DDX31: variants seen among roughly 807,000 people sequenced by gnomAD.
DDX31 encodes the protein DEAD-box helicase 31, also known as ATP-dependent DNA helicase DDX31.
Under a neutral mutation model 91.3 loss-of-function variants are expected in DDX31, and 70 were observed. The ratio of observed to expected loss-of-function variants is 0.77; its 90% confidence interval spans 0.63 to 0.94. The LOEUF (loss-of-function observed/expected upper bound fraction) is 0.94, where lower values mean the gene tolerates loss of function less well. DDX31 is among the 40% of genes least tolerant of loss of function. The pLI, the probability that DDX31 is intolerant of heterozygous loss-of-function variation, is 0.00. For missense variants in DDX31, 902 were observed against 925.0 expected, an observed-to-expected ratio of 0.98 and a Z score of 0.32; for synonymous variants, 362 against 350.6, an observed-to-expected ratio of 1.03 and a Z score of -0.36.
Position 132,648,463 on chromosome 9 carries a change from G to C in DDX31, c.829C>G (p.Leu277Val). 6.2e-7 allele frequency: 1 copy of C among 1,614,044 alleles called. No homozygotes were observed. The highest frequency in any genetic ancestry group is 8.5e-7 in the Non-Finnish European group (1 of 1,180,014). ...GCTTCATCAAACACCAACCACCGCA[G>C]CCGACTAAAATGAATGTTCTTTGTG... The part of the protein sequence containing the change: ...KSTKNIHFSR[L>V]RWLVFDEADR... Residue 277 changes from leucine to valine, a missense_variant, in exon 10 of 20, where the codon CTG (leucine) becomes GTG (valine). Transcript: ENST00000372159.
intron 15 of DDX31, among the ~76,000 whole-genome samples, chr9:132,630,969 G>A (rs369058754): frequency 2.0e-5 from 3 of 152,208 alleles, no homozygotes; most frequent in South Asian, 2.1e-4. Flanking sequence ...TCAGAATGAC[G>A]GCCATTCTAC....
intron 17 of DDX31, among the ~76,000 whole-genome samples, chr9:132,622,956 C>T (rs1212228412): frequency 6.6e-6 from 1 of 151,976 alleles, no homozygotes; most frequent in African/African-American, 2.4e-5. Flanking sequence ...GATGGTGAAA[C>T]CCCGTCTCTA....
intron 19 of DDX31, among the ~76,000 whole-genome samples, chr9:132,611,149 G>C (rs1248978699): frequency 6.6e-6 from 1 of 152,212 alleles, no homozygotes; most frequent in Admixed American, 6.5e-5. Context: ...CAGAGTCAGT[G>C]GGGGAGCCTG....
rs571023623 is a variant in DDX31 at position 132,640,055 on chromosome 9, T to G, written c.1440+1949A>C. Among the ~76,000 whole-genome samples, 6 of 152,358 alleles carry G rather than the reference T, an allele frequency of 3.9e-5. No homozygotes were observed. The South Asian group carries it at 1.2e-3, about 32-fold the overall frequency. ...TTGATCTACAAAACCAAGCGCCTAC[T>G]GCATGCCTGCTCTGTGCTAGACACT... On this transcript the variant is annotated intron_variant, in intron 14 of 19. Coordinates refer to ENST00000372159, the MANE Select transcript of DDX31 (RefSeq NM_022779.9).
intron 6 of DDX31, among the ~76,000 whole-genome samples, chr9:132,654,708 G>A (rs1159506537): frequency 6.6e-6 from 1 of 152,152 alleles, no homozygotes; most frequent in Non-Finnish European, 1.5e-5. Flanking sequence ...CACTATGGGA[G>A]GCCAAGGCGG....
intron 5 of DDX31, 79 bp downstream of exon 5, chr9:132,659,631 C>G: frequency 6.9e-7 from 1 of 1,449,954 alleles, no homozygotes; most frequent in Non-Finnish European, 9.5e-7. Context: ...ACCACCAACC[C>G]AGACACCGCA....
At chr9:132,655,704 G>A (rs541894999) in intron 6 of DDX31, among the ~76,000 whole-genome samples, 58 of 152,238 alleles carry the variant, frequency 3.8e-4, no homozygotes, top group East Asian at 7.7e-4. Flanking sequence ...AAAGTAATCC[G>A]AAAAAGGCCC....
intron 6 of DDX31, among the ~76,000 whole-genome samples, chr9:132,657,195 T>A (rs143370069): frequency 6.6e-6 from 1 of 152,240 alleles, no homozygotes; most frequent in South Asian, 2.1e-4. Flanking sequence ...CTTGGTTCCA[T>A]CTCTGGATGA....
intron 1 of DDX31, among the ~76,000 whole-genome samples, chr9:132,666,344 T>C (rs1240441125): frequency 6.6e-6 from 1 of 151,256 alleles, no homozygotes; most frequent in Non-Finnish European, 1.5e-5. Context: ...TAATTTTTGA[T>C]AAGTTAAAAA....
rs3739908 is a variant in DDX31 at position 132,618,270 on chromosome 9, G to A, written c.1825+60C>T. 51 of 1,450,646 alleles carry A rather than the reference G, an allele frequency of 3.5e-5. No individual in the cohort carries two copies. In the East Asian group the frequency reaches 1.2e-3, roughly 35 times the overall value. The allele number at this position is 1,450,646 out of a possible 1,614,324, so 89.9% of individuals were successfully genotyped here. ...ACCGGTTTGGGGGTATGTGGGTGAA[G>A]GTGGGGGAGAGCACTCTGCTGGGCT... On this transcript the variant is annotated intron_variant, in intron 18 of 19. Transcript: ENST00000372159.
chr9:132,602,700 T>C (rs367698948), intron 19 of DDX31, among the ~76,000 whole-genome samples: 2 of 152,206 alleles, frequency 1.3e-5, no homozygotes, highest in Admixed American at 1.3e-4. Context: ...TCTTGGAAGT[T>C]TGGCCAAGGT....
chr9:132,617,928 T>A (rs776492316), intron 18 of DDX31, among the ~76,000 whole-genome samples: 2 of 152,264 alleles, frequency 1.3e-5, no homozygotes, highest in Non-Finnish European at 2.9e-5. Context: ...AAATAGGAAC[T>A]GCTTAGGTCT....
chr9:132,622,530 G>A (rs913744206), intron 17 of DDX31, among the ~76,000 whole-genome samples: 3 of 152,200 alleles, frequency 2.0e-5, no homozygotes, highest in African/African-American at 4.8e-5. Flanking sequence ...GCTTCCCTGC[G>A]TTGCGCAGAC....
chr9:132,624,947 T>A (rs1466578022), intron 17 of DDX31, among the ~76,000 whole-genome samples: 1 of 152,218 alleles, frequency 6.6e-6, no homozygotes, highest in African/African-American at 2.4e-5. Context: ...CAGTTCATCC[T>A]CAGGCATACA....
intron 14 of DDX31, among the ~76,000 whole-genome samples, chr9:132,634,412 T>A (rs556874939): frequency 6.6e-6 from 1 of 152,176 alleles, no homozygotes; most frequent in South Asian, 2.1e-4. Context: ...CATCTGAAAG[T>A]AGGTTGCAAA....
chr9:132,659,679 T>C (rs1038585081), intron 5 of DDX31, 31 bp downstream of exon 5: 5 of 1,591,400 alleles, frequency 3.1e-6, no homozygotes, highest in East Asian at 2.3e-5. Context: ...CCTGAGCAGA[T>C]GAAAAAGGGC....
intron 17 of DDX31, 34 bp from the exon 18 acceptor site, chr9:132,618,475 A>G: frequency 6.3e-7 from 1 of 1,576,634 alleles, no homozygotes; most frequent in South Asian, 1.1e-5. Context: ...AAGGAGAGAT[A>G]GAGTCAAGGT....
intron 7 of DDX31, among the ~76,000 whole-genome samples, 173 bp from the exon 8 acceptor site, chr9:132,651,289 T>C (rs1834170349): frequency 6.6e-6 from 1 of 152,174 alleles, no homozygotes; most frequent in Non-Finnish European, 1.5e-5. Flanking sequence ...TTCTGCAACC[T>C]GTCAGTTTGG....
At chr9:132,645,491 T>C (rs1277472234) in intron 13 of DDX31, among the ~76,000 whole-genome samples, 2 of 152,144 alleles carry the variant, frequency 1.3e-5, no homozygotes, top group African/African-American at 4.8e-5. Context: ...CCATTAATGC[T>C]CTTAATTTGA....
Sources: allele counts gnomAD v4.1 joint callset (sites outside exome capture counted in the v4.1 genomes callset), GRCh38; gene constraint gnomAD v4.1.1; transcripts MANE v1.5; gene names NCBI Gene and HGNC (gene_info 2026-07-23, HGNC 2026-07-21).